Variants in SEMA5A observed in about 807,000 individuals in gnomAD.
SEMA5A encodes semaphorin 5A.
A neutral mutation model predicts 135.5 loss-of-function variants in SEMA5A; 55 were observed. That is an observed-to-expected ratio of 0.41 (90% confidence interval 0.33 to 0.51). SEMA5A has a LOEUF of 0.51. SEMA5A is among the 20% of genes least tolerant of loss of function. The pLI is 0.37. For missense variants in SEMA5A, 1,290 were observed against 1,419.9 expected (o/e 0.91, Z 1.47); for synonymous variants, 580 against 546.5 (o/e 1.06, Z -0.85).
At chr5:9,242,114 G>A (rs1359200457) in intron 5 of SEMA5A, among the ~76,000 whole-genome samples, 14 of 152,144 alleles carry the variant, frequency 9.2e-5, no homozygotes, top group Admixed American at 9.2e-4. Flanking sequence ...ACATTGCCAT[G>A]GCAATTATAA....
At chr5:9,259,432 T>G (rs1337621546) in intron 5 of SEMA5A, among the ~76,000 whole-genome samples, 1 of 151,724 alleles carries the variant, frequency 6.6e-6, no homozygotes, top group African/African-American at 2.4e-5. Context: ...TTGTTATAAT[T>G]TCTGTTCTTT....
At chr5:9,252,161 G>A (rs40715) in intron 5 of SEMA5A, among the ~76,000 whole-genome samples, 86,408 of 151,972 alleles carry the variant, frequency 0.57, 24,615 homozygotes, top group East Asian at 0.72. Context: ...ATAAAATGTG[G>A]TGCTTTTGAA....
chr5:9,079,057 A>G (rs1738227615), intron 16 of SEMA5A, among the ~76,000 whole-genome samples: 1 of 152,172 alleles, frequency 6.6e-6, no homozygotes, highest in Non-Finnish European at 1.5e-5. Flanking sequence ...TGGCTTAAAT[A>G]TATACCAACT....
At chr5:9,502,209 T>C (rs866862586) in intron 1 of SEMA5A, among the ~76,000 whole-genome samples, 1 of 152,206 alleles carries the variant, frequency 6.6e-6, no homozygotes, top group Admixed American at 6.5e-5. Flanking sequence ...CATGGTTATT[T>C]CTCCTTGAGG....
intron 11 of SEMA5A, 112 bp downstream of exon 11, chr5:9,190,155 A>T (rs1462768167): frequency 1.7e-6 from 2 of 1,152,610 alleles, no homozygotes; most frequent in Non-Finnish European, 2.5e-6. Context: ...TGGTTGCAAA[A>T]AGAGACATCA....
chr5:9,248,206 T>A (rs1313049964), intron 5 of SEMA5A, among the ~76,000 whole-genome samples: 4 of 152,162 alleles, frequency 2.6e-5, no homozygotes, highest in African/African-American at 9.7e-5. Context: ...TTGGTGAATT[T>A]TTAATGTCTG....
chr5:9,454,419 A>C (rs1209400674), intron 1 of SEMA5A, among the ~76,000 whole-genome samples: 1 of 152,224 alleles, frequency 6.6e-6, no homozygotes, highest in Non-Finnish European at 1.5e-5. Context: ...GAACCTTCAA[A>C]TACCAACAGT....
intron 11 of SEMA5A, among the ~76,000 whole-genome samples, chr5:9,182,860 C>T (rs969934759): frequency 1.2e-4 from 19 of 152,078 alleles, no homozygotes; most frequent in African/African-American, 4.6e-4. Context: ...AGATAGTAAT[C>T]TTTGAAAACA....
intron 1 of SEMA5A, among the ~76,000 whole-genome samples, chr5:9,544,308 T>C (rs1163172236): frequency 6.6e-6 from 1 of 152,198 alleles, no homozygotes; most frequent in Non-Finnish European, 1.5e-5. Context: ...AAAGCTCACG[T>C]TATCTTCCCT....
chr5:9,381,975 TGTGTGTGC>T (rs1034317641), intron 2 of SEMA5A, among the ~76,000 whole-genome samples: 5 of 112,508 alleles, frequency 4.4e-5, no homozygotes, highest in South Asian at 2.5e-4. Flanking sequence ...TGTGTGTGTG[TGTGTGTGC>T]GCGCGCGCGC....
chr5:9,167,500 C>T (rs151048134), intron 11 of SEMA5A, among the ~76,000 whole-genome samples: 174 of 152,258 alleles, frequency 1.1e-3, no homozygotes, highest in Non-Finnish European at 2.2e-3. Context: ...TATCTCTTCA[C>T]CCACAATTGC....
At chr5:9,371,496 T>C (rs565866480) in intron 3 of SEMA5A, among the ~76,000 whole-genome samples, 9 of 152,318 alleles carry the variant, frequency 5.9e-5, no homozygotes, top group African/African-American at 1.4e-4. Flanking sequence ...ACCTAGATTA[T>C]AGAATTGAAA....
chr5:9,359,204 A>T (rs186655127), intron 3 of SEMA5A, among the ~76,000 whole-genome samples: 1 of 152,360 alleles, frequency 6.6e-6, no homozygotes, highest in Admixed American at 6.5e-5. Context: ...GCAGTGTAAC[A>T]GGCCAGGAAT....
At chr5:9,276,107 G>C (rs1304744640) in intron 5 of SEMA5A, among the ~76,000 whole-genome samples, 1 of 152,110 alleles carries the variant, frequency 6.6e-6, no homozygotes, top group African/African-American at 2.4e-5. Context: ...AGCAACTTCA[G>C]CAAAGTCTCA....
chr5:9,488,351 A>C lies in SEMA5A; in HGVS notation c.-174-50499T>G, dbSNP rs78810729. ...ACACTCCTAGATCTCACCACTGGACATTTTACATCTTGCGTGATGTTTAAG... is the reference window on the plus strand; with the variant it reads ...ACACTCCTAGATCTCACCACTGGACCTTTTACATCTTGCGTGATGTTTAAG... On this transcript the variant is annotated intron_variant, in intron 1 of 22. Coordinates refer to ENST00000382496, the MANE Select transcript of SEMA5A (RefSeq NM_003966.3). Among the ~76,000 whole-genome samples, 5 of 152,340 alleles carry C rather than the reference A, an allele frequency of 3.3e-5. No homozygotes were observed. The East Asian group carries it at 9.6e-4, about 29-fold the overall frequency.
chr5:9,486,256 C>T (rs997142524), intron 1 of SEMA5A, among the ~76,000 whole-genome samples: 17 of 152,058 alleles, frequency 1.1e-4, no homozygotes, highest in Admixed American at 9.8e-4. Context: ...GAACAACACA[C>T]ACAGGCACCT....
intron 6 of SEMA5A, among the ~76,000 whole-genome samples, chr5:9,234,233 G>T (rs928608036): frequency 6.6e-6 from 1 of 152,136 alleles, no homozygotes; most frequent in African/African-American, 2.4e-5. Flanking sequence ...TGAGTTCAGG[G>T]GGCAGTCCTT....
chr5:9,278,926 A>T (rs1349216902), intron 5 of SEMA5A, among the ~76,000 whole-genome samples: 1 of 152,246 alleles, frequency 6.6e-6, no homozygotes, highest in Non-Finnish European at 1.5e-5. Context: ...GGGAACCTAC[A>T]GTAGGGCAGT....
chr5:9,451,847 T>A lies in SEMA5A; in HGVS notation c.-174-13995A>T, dbSNP rs936543006. On this transcript the variant is annotated intron_variant, in intron 1 of 22. Coordinates refer to ENST00000382496, the MANE Select transcript of SEMA5A (RefSeq NM_003966.3). ...GTCTTCTTTCCTGCACGGCTGAGGA[T>A]GGCAGACAGTAACTCTCCTTAGCAG... is the stretch of plus-strand genomic sequence containing the variant. Among the ~76,000 whole-genome samples the A allele has an allele frequency of 2.6e-5, 4 of 152,274 alleles. No homozygotes were observed. The South Asian group carries it at 8.3e-4, about 32-fold the overall frequency.
Sources: allele counts gnomAD v4.1 joint callset (sites outside exome capture counted in the v4.1 genomes callset), GRCh38; gene constraint gnomAD v4.1.1; transcripts MANE v1.5; gene names NCBI Gene and HGNC (gene_info 2026-07-23, HGNC 2026-07-21).